The following IFRD2 variants were observed in gnomAD, a reference collection of about 807,000 sequenced individuals.
IFRD2 encodes the protein interferon-related developmental regulator 2.
In IFRD2, 35 loss-of-function variants were observed where a neutral mutation model predicts 49.2. The ratio of observed to expected loss-of-function variants is 0.71; its 90% confidence interval spans 0.54 to 0.94. The LOEUF (loss-of-function observed/expected upper bound fraction) is 0.94. Among genes scored for constraint, IFRD2 ranks in the 40% least tolerant of loss-of-function variants. The pLI, the probability that IFRD2 is intolerant of heterozygous loss-of-function variation, is 0.00. For synonymous variants in IFRD2, 275 were observed against 239.7 expected (o/e 1.15, Z -1.36); for missense variants, 561 against 591.6 (o/e 0.95, Z 0.54).
Position 50,290,449 on chromosome 3 carries a change from C to T in IFRD2, c.202G>A (p.Gly68Ser), listed in dbSNP as rs1553709622. ...TTTTCCTCAAGGTCTTCCTGCTGGC[C>T]CTGCTCATCCACGACATCCCCCCCT... is the stretch of plus-strand genomic sequence containing the variant. ...SLGGDVVDEQ[G>S]QQEDLEEKLK... Residue 68 changes from glycine to serine, a missense_variant, in exon 3 of 12, where the codon GGC becomes AGC. Coordinates refer to ENST00000417626, the MANE Select transcript of IFRD2 (RefSeq NM_006764.5). 1.9e-6 allele frequency: 3 copies of T among 1,577,818 alleles called. No individual in the cohort carries two copies. The South Asian group carries it at 3.5e-5, about 18-fold the overall frequency.
At chr3:50,288,381 G>A in intron 11 of IFRD2, 28 bp downstream of exon 11, 1 of 1,607,032 alleles carries the variant, frequency 6.2e-7, no homozygotes, top group Non-Finnish European at 8.5e-7. Flanking sequence ...GGAATAGGGG[G>A]AAGAGAAAGG....
rs1553708974 is a variant in IFRD2 at position 50,288,469 on chromosome 3, G to A, written c.1188C>T (p.Gly396=). The change falls in exon 11 of 12, where the codon GGC becomes GGT. Residue 396 remains glycine, a synonymous_variant. Coordinates refer to ENST00000417626, the MANE Select transcript of IFRD2 (RefSeq NM_006764.5). The part of the protein sequence containing the change: ...NELLRDIFGL[G]PVLLLDATAL... ...CAGTGGCATCCAGCAACAGCACAGG[G>A]CCCAGGCCAAAGATGTCACGGAGTA... is the stretch of plus-strand genomic sequence containing the variant. The A allele has an allele frequency of 6.2e-7, 1 of 1,613,872 alleles. No individual in the cohort carries two copies. The highest frequency in any genetic ancestry group is 1.3e-5 in the African/African-American group (1 of 75,030).
chr3:50,289,339 C>A lies in IFRD2; in HGVS notation c.801G>T (p.Gln267His). The change falls in exon 8 of 12, where the codon CAG becomes CAT. Residue 267 changes from glutamine to histidine, a missense_variant. Gln to His is a conservative substitution (Grantham distance 24). Coordinates refer to ENST00000417626, the MANE Select transcript of IFRD2 (RefSeq NM_006764.5). ...ILDRQLPRLP[Q>H]LLSSESVNLR... is the part of the protein sequence containing the mutation. ...GGTTCACACTTTCACTGGACAAGAGCTGGGGCAGCCGGGGCAGCTGCCTAG... is the reference window on the plus strand; with the variant it reads ...GGTTCACACTTTCACTGGACAAGAGATGGGGCAGCCGGGGCAGCTGCCTAG... 1 of 1,600,224 alleles carries A rather than the reference C, an allele frequency of 6.2e-7. No homozygotes were observed. Among genetic ancestry groups the A allele is most frequent in the African/African-American group, 1.3e-5 (1 of 74,798 alleles).
In IFRD2 at chr3:50,289,458, G is replaced by A; in HGVS notation, c.768C>T (p.His256=). ...LTICPSTQIS[H]ILDRQLPRLP... ...ACAGCCACCCCTACCTGTCAAGGATGTGGCTGATTTGGGTGCTAGGGCAGA... is the reference window on the plus strand; with the variant it reads ...ACAGCCACCCCTACCTGTCAAGGATATGGCTGATTTGGGTGCTAGGGCAGA... The change falls in exon 7 of 12, where the codon CAC becomes CAT. Residue 256 remains histidine, a synonymous_variant. Coordinates refer to ENST00000417626, the MANE Select transcript of IFRD2 (RefSeq NM_006764.5). 6.3e-7 allele frequency: 1 copy of A among 1,579,620 alleles called. No homozygotes were observed. The highest frequency in any genetic ancestry group is 8.6e-7 in the Non-Finnish European group (1 of 1,162,624).
chr3:50,288,402 T>A lies in IFRD2; in HGVS notation c.1248+7A>T. The stretch of plus-strand genomic sequence containing the variant: ...GGGGGAAGAGAAAGGTGCCCAAGGG[T>A]GCAAACCTTCTCAAAGCGTGGAACC... On this transcript the variant is annotated splice_region_variant and intron_variant, in intron 11 of 11. Transcript: ENST00000417626. 2 of 1,611,102 alleles carry A rather than the reference T, an allele frequency of 1.2e-6. No homozygotes were observed. The highest frequency in any genetic ancestry group is 1.7e-6 in the Non-Finnish European group (2 of 1,178,538).
At position 50,288,787 on chromosome 3, in the gene IFRD2, TTC is replaced by T. The variant is rs782510106; in HGVS notation, c.1023+11_1023+12del. ...GTGCACCCTTGCTAGGACACATATG[TTC>T]TCACACACACCTCCACGGAGTGCAG... On this transcript the variant is annotated intron_variant, in intron 9 of 11. Coordinates refer to ENST00000417626, the MANE Select transcript of IFRD2 (RefSeq NM_006764.5). 2 of 1,613,048 alleles carry T rather than the reference TTC, an allele frequency of 1.2e-6. No homozygotes were observed. Among genetic ancestry groups the T allele is most frequent in the Non-Finnish European group, 1.7e-6 (2 of 1,179,420 alleles).
Position 50,289,566 on chromosome 3 carries a change from G to A in IFRD2, c.660C>T (p.Gly220=), listed in dbSNP as rs1701629992. 2.5e-6 allele frequency: 4 copies of A among 1,581,248 alleles called. No individual in the cohort carries two copies. Among genetic ancestry groups the A allele is most frequent in the Non-Finnish European group, 3.4e-6 (4 of 1,164,756 alleles). ...SVFSRFYGLG[G]SSTSPVVPAS... ...CAGGAACCACAGGACTTGTGGAGCT[G>A]CCCCCCAAGCCATAGAACCGGCTGA... is the stretch of plus-strand genomic sequence containing the variant. The change falls in exon 7 of 12, where the codon GGC becomes GGT. Residue 220 remains glycine (G), a synonymous_variant. Transcript: ENST00000417626.
rs1559802938 is a variant in IFRD2 at position 50,290,600 on chromosome 3, T to C, written c.138A>G (p.Glu46=). 1.2e-6 allele frequency: 2 copies of C among 1,613,998 alleles called. No homozygotes were observed. The highest frequency in any genetic ancestry group is 1.7e-6 in the Non-Finnish European group (2 of 1,179,882). Reference sequence around the variant, plus strand: ...CAGTGGTGCTGAGAAGGCTGGGGCATTCACTGGCGGTGCTGCGGGCCTCAC... The same window carrying C: ...CAGTGGTGCTGAGAAGGCTGGGGCACTCACTGGCGGTGCTGCGGGCCTCAC... The part of the protein sequence containing the change: ...AASEARSTAS[E]CPSLLSTTAE... The change falls in exon 2 of 12, where the codon GAA becomes GAG. Residue 46 remains glutamate, a synonymous_variant. Coordinates refer to ENST00000417626, the MANE Select transcript of IFRD2 (RefSeq NM_006764.5).
rs782468298 is a variant in IFRD2 at position 50,290,650 on chromosome 3, C to T, written c.88G>A (p.Gly30Ser). Residue 30 changes from glycine (G) to serine (S), a missense_variant, in exon 2 of 12, where the codon GGT becomes AGT. By Grantham distance (56) the Gly-to-Ser change is moderately conservative (BLOSUM62 0). Coordinates refer to ENST00000417626, the MANE Select transcript of IFRD2 (RefSeq NM_006764.5). ...GARSSAQADSGSSDDEAASEA... is the reference protein window; with the variant it reads ...GARSSAQADSSSSDDEAASEA... ...CTGGCTGCCTCATCGTCACTGGAACCCGAGTCAGCTTGGGCACTGCTCCGG... is the reference window on the plus strand; with the variant it reads ...CTGGCTGCCTCATCGTCACTGGAACTCGAGTCAGCTTGGGCACTGCTCCGG... 2.9e-5 allele frequency: 46 copies of T among 1,613,814 alleles called. No individual in the cohort carries two copies. In the Admixed American group the frequency reaches 7.5e-4, roughly 26 times the overall value.
At chr3:50,289,131 T>C in intron 8 of IFRD2, 124 bp downstream of exon 8, 1 of 1,155,302 alleles carries the variant, frequency 8.7e-7, no homozygotes, top group Non-Finnish European at 1.3e-6. Flanking sequence ...GAGATAAATC[T>C]GTTTTGGGGC....
chr3:50,290,526 A>C (rs782406060), intron 2 of IFRD2, 34 bp downstream of exon 2: 8 of 1,609,072 alleles, frequency 5.0e-6, no homozygotes, highest in Non-Finnish European at 6.8e-6. Flanking sequence ...TGGAGCCCTC[A>C]CCAAGCCCCT....
rs187308542 is a variant in IFRD2, at chr3:50,289,620, G to C, written c.606C>G (p.Val202=). ...CACTTTCTAAGCAGGCAAGGCAAGA[G>C]ACCAGGTCCTAGGAGCACAGAGAGG... ...YVAAADIQDL[V]SCLACLESVF... is the part of the protein sequence containing the mutation. The change falls in exon 7 of 12, where the codon GTC becomes GTG. Residue 202 remains valine, a synonymous_variant. Transcript: ENST00000417626. 6 of 1,598,298 alleles carry C rather than the reference G, an allele frequency of 3.8e-6. No homozygotes were observed. The African/African-American group carries it at 6.7e-5, about 18-fold the overall frequency.
chr3:50,290,558 A>C lies in IFRD2; in HGVS notation c.178+2T>G. ...CCCTGTCAAACTTCCACCCGCTCTCACCAAGGCTGTCCTCTGCAGTGGTGC... is the reference window on the plus strand; with the variant it reads ...CCCTGTCAAACTTCCACCCGCTCTCCCCAAGGCTGTCCTCTGCAGTGGTGC... On this transcript the variant is annotated splice_donor_variant, in intron 2 of 11. Coordinates refer to ENST00000417626, the MANE Select transcript of IFRD2 (RefSeq NM_006764.5). LOFTEE classifies it high-confidence loss of function. 6.2e-7 allele frequency: 1 copy of C among 1,613,734 alleles called. No individual in the cohort carries two copies. The highest frequency in any genetic ancestry group is 2.2e-5 in the East Asian group (1 of 44,888).
intron 8 of IFRD2, 118 bp from the exon 9 acceptor site, chr3:50,289,055 T>C (rs587675392): frequency 4.2e-6 from 6 of 1,414,900 alleles, no homozygotes; most frequent in African/African-American, 1.4e-5. Context: ...CCTGGCCCCT[T>C]TGACCCCTCC....
rs781827482 is a variant in IFRD2, at chr3:50,288,596, T to C, written c.1139A>G (p.His380Arg). The C allele has an allele frequency of 1.2e-6, 2 of 1,613,926 alleles. No homozygotes were observed. The highest frequency in any genetic ancestry group is 3.3e-5 in the Admixed American group (2 of 60,012). The change falls in exon 10 of 12, where the codon CAC becomes CGC. Residue 380 changes from histidine (H) to arginine (R), a missense_variant. By Grantham distance (29) the His-to-Arg change is conservative (BLOSUM62 0). Coordinates refer to ENST00000417626, the MANE Select transcript of IFRD2 (RefSeq NM_006764.5). ...AFKEVLGSGM[H>R]HHLQNNELLR... Reference sequence around the variant, plus strand: ...CCGTCCCCGCACCTGGAGGTGGTGGTGCATGCCCGAACCCAGCACTTCCTT... The same window carrying C: ...CCGTCCCCGCACCTGGAGGTGGTGGCGCATGCCCGAACCCAGCACTTCCTT...
chr3:50,288,338 G>T, intron 11 of IFRD2, 67 bp from the exon 12 acceptor site: 1 of 1,600,956 alleles, frequency 6.2e-7, no homozygotes, highest in Non-Finnish European at 8.5e-7. Context: ...GTCCTCTTCC[G>T]GCCTCTACAG....
In IFRD2 at chr3:50,289,250, C is replaced by T. The variant is rs191858364; in HGVS notation, c.885+5G>A. 3.1e-5 allele frequency: 49 copies of T among 1,564,190 alleles called. No individual in the cohort carries two copies. Among genetic ancestry groups the T allele is most frequent in the African/African-American group, 4.1e-5 (3 of 73,730 alleles). ...CCAAGCACCCCCCATCCTTGTCCCT[C>T]GCACCTCAAGGTCCCGGGCAAGCTC... On this transcript the variant is annotated splice_donor_5th_base_variant and intron_variant, in intron 8 of 11. Coordinates refer to ENST00000417626, the MANE Select transcript of IFRD2 (RefSeq NM_006764.5).
In IFRD2 at chr3:50,290,252, G is replaced by T. The variant is rs1553709555; in HGVS notation, c.306C>A (p.Ala102=). 12 of 1,612,850 alleles carry T rather than the reference G, an allele frequency of 7.4e-6. No homozygotes were observed. The East Asian group carries it at 2.7e-4, about 36-fold the overall frequency. The change falls in exon 4 of 12, where the codon GCC becomes GCA. Residue 102 remains alanine, a synonymous_variant. Coordinates refer to ENST00000417626, the MANE Select transcript of IFRD2 (RefSeq NM_006764.5). ...AGTCGGGGAGTAGGCGGGACGCTAG[G>T]GCCAGGCGCAGGCTCTCAAGAGCAC... The part of the protein sequence containing the change: ...RQGALESLRL[A]LASRLLPDFL...
At chr3:50,290,325 G>T in intron 3 of IFRD2, 31 bp from the exon 4 acceptor site, 4 of 1,605,962 alleles carry the variant, frequency 2.5e-6, no homozygotes, top group Middle Eastern at 1.7e-4. Flanking sequence ...GGGTCATATG[G>T]GCCAGCCCTC....
Sources: gnomAD v4.1 joint callset for allele counts on GRCh38, gnomAD v4.1.1 for gene constraint, MANE v1.5 for transcripts, NCBI Gene and HGNC (gene_info 2026-07-23, HGNC 2026-07-21) for gene names.